Variants in ANO5 observed in about 807,000 individuals in gnomAD.
ANO5 encodes anoctamin 5.
Under a neutral mutation model 121.0 loss-of-function variants are expected in ANO5, and 109 were observed. That is an observed-to-expected ratio of 0.90 (90% CI 0.77 to 1.06). The LOEUF (loss-of-function observed/expected upper bound fraction) is 1.06. ANO5 is among the 50% of genes least tolerant of loss of function. The probability of loss-of-function intolerance (pLI) is 0.00; values close to 1 mark genes in which losing one functional copy is unlikely to be tolerated. For missense variants in ANO5, 1,064 were observed against 1,078.5 expected (o/e 0.99, Z 0.19); for synonymous variants, 406 against 359.9 (o/e 1.13, Z -1.45).
intron 3 of ANO5, among the ~76,000 whole-genome samples, chr11:22,216,493 C>A (rs984151004): frequency 6.6e-6 from 1 of 151,614 alleles, no homozygotes; most frequent in Non-Finnish European, 1.5e-5. Flanking sequence ...TTCATAGATA[C>A]TCTTTTATGA....
chr11:22,195,690 TC>T (rs1851788954), intron 1 of ANO5, among the ~76,000 whole-genome samples: 1 of 152,096 alleles, frequency 6.6e-6, no homozygotes, highest in African/African-American at 2.4e-5. Flanking sequence ...ACTTGGCCCC[TC>T]AAATTGCTGG....
intron 2 of ANO5, among the ~76,000 whole-genome samples, chr11:22,207,584 G>A (rs1852156508): frequency 6.6e-6 from 1 of 152,024 alleles, no homozygotes; most frequent in Non-Finnish European, 1.5e-5. Context: ...AGAAAAAATG[G>A]ATCAAACTGT....
At chr11:22,278,759 T>TAA (rs1854963962) in intron 21 of ANO5, among the ~76,000 whole-genome samples, 2 of 151,786 alleles carry the variant, frequency 1.3e-5, no homozygotes, top group African/African-American at 4.8e-5. Context: ...TAGTTATTTT[T>TAA]CCCAGAGAAA....
intron 2 of ANO5, among the ~76,000 whole-genome samples, chr11:22,208,944 G>A (rs906934765): frequency 2.6e-5 from 4 of 151,796 alleles, no homozygotes; most frequent in Admixed American, 2.0e-4. Flanking sequence ...CTATGGGCAG[G>A]AGGCAGGCAA....
intron 3 of ANO5, 51 bp downstream of exon 3, chr11:22,211,365 C>A: frequency 6.4e-7 from 1 of 1,552,266 alleles, no homozygotes; most frequent in Non-Finnish European, 8.9e-7. Context: ...AATGGGGCAT[C>A]TTTTTGTAGT....
intron 1 of ANO5, among the ~76,000 whole-genome samples, chr11:22,203,326 AT>A (rs1032015549): frequency 4.6e-5 from 7 of 152,130 alleles, no homozygotes; most frequent in Non-Finnish European, 1.0e-4. Flanking sequence ...ATGCATTACC[AT>A]TACGGAGCTA....
At chr11:22,255,228 T>A (rs1853954376) in intron 12 of ANO5, 143 bp from the exon 13 acceptor site, 1 of 598,514 alleles carries the variant, frequency 1.7e-6, no homozygotes, top group East Asian at 3.0e-5. Context: ...TAATAATTGA[T>A]GAAGTTTTAA....
At chr11:22,250,439 T>A (rs1853772416) in intron 10 of ANO5, 68 bp downstream of exon 10, 1 of 1,587,996 alleles carries the variant, frequency 6.3e-7, no homozygotes. Flanking sequence ...GTTGTTGTTA[T>A]TATTTCCCTG....
chr11:22,236,154 A>G lies in ANO5; in HGVS notation c.649-9A>G. 6.4e-7 allele frequency: 1 copy of G among 1,571,236 alleles called. No homozygotes were observed. Among genetic ancestry groups the G allele is most frequent in the Non-Finnish European group, 8.8e-7 (1 of 1,141,474 alleles). On this transcript the variant is annotated splice_polypyrimidine_tract_variant and intron_variant, in intron 7 of 21. Coordinates refer to ENST00000324559, the MANE Select transcript of ANO5 (RefSeq NM_213599.3). ...GATGTGATAGTGTCTCTTTGCACTTACCTTGTAGGTGTACTATATTCTCTC... is the reference window on the plus strand; with the variant it reads ...GATGTGATAGTGTCTCTTTGCACTTGCCTTGTAGGTGTACTATATTCTCTC...
chr11:22,279,726 T>G lies in ANO5; in HGVS notation c.2703T>G (p.Ile901Met), dbSNP rs774936921. The G allele has an allele frequency of 2.5e-6, 4 of 1,612,742 alleles. No homozygotes were observed. Among genetic ancestry groups the G allele is most frequent in the African/African-American group, 2.7e-5 (2 of 74,870 alleles). The change falls in exon 22 of 22, where the codon ATT becomes ATG. Residue 901 changes from isoleucine (I) to methionine (M), a missense_variant. By Grantham distance (10) the Ile-to-Met change is conservative. Coordinates refer to ENST00000324559, the MANE Select transcript of ANO5 (RefSeq NM_213599.3). ...ATGAATTTGCCAAGCATGTCATGAT[T>G]GAGGAAAACAAAGCACAGCTGGCTA... ...NSNEFAKHVM[I>M]EENKAQLAKS...
chr11:22,225,300 A>T (rs936635431), intron 5 of ANO5, among the ~76,000 whole-genome samples: 14 of 151,860 alleles, frequency 9.2e-5, no homozygotes, highest in East Asian at 3.9e-4. Context: ...CTATGAAAAA[A>T]TTTTTTAAAA....
At chr11:22,212,034 C>A in intron 3 of ANO5, among the ~76,000 whole-genome samples, 1 of 150,422 alleles carries the variant, frequency 6.6e-6, no homozygotes. Context: ...TACATGATTC[C>A]AAAGTTGAAA....
rs2133820220 is a variant in ANO5, at chr11:22,282,465, A to G, written c.*2700A>G. The G allele has an allele frequency of 6.6e-6, 1 of 152,288 alleles. No homozygotes were observed. Among genetic ancestry groups the G allele is most frequent in the South Asian group, 2.1e-4 (1 of 4,828 alleles). 9.4% of individuals were successfully genotyped at this position (152,288 alleles called of 1,614,324 possible). The stretch of plus-strand genomic sequence containing the variant: ...ACATTCTTCTTTTAACCAAGCCATT[A>G]TGCAAAGTTATCAAAGAAGAGGAGA... On this transcript the variant is annotated 3_prime_UTR_variant, in exon 22 of 22. Coordinates refer to ENST00000324559, the MANE Select transcript of ANO5 (RefSeq NM_213599.3).
intron 17 of ANO5, among the ~76,000 whole-genome samples, chr11:22,268,727 T>C (rs573643275): frequency 5.3e-5 from 8 of 152,238 alleles, no homozygotes; most frequent in Non-Finnish European, 8.8e-5. Context: ...GTAAGAATGC[T>C]GTTTGCAGCC....
rs1564956412 is a variant in ANO5, at chr11:22,279,514, CG to C, written c.2521-29del. On this transcript the variant is annotated intron_variant, in intron 21 of 21. Transcript: ENST00000324559. The stretch of plus-strand genomic sequence containing the variant: ...GCTGAGCATGTGACACCTCTAACAG[CG>C]TCTAATCTTTCCTTTATATTTCCTC... The C allele has an allele frequency of 1.9e-6, 3 of 1,560,934 alleles. No individual in the cohort carries two copies. In the Admixed American group the frequency reaches 5.0e-5, roughly 26 times the overall value.
At chr11:22,279,321 A>T (rs569446616) in intron 21 of ANO5, among the ~76,000 whole-genome samples, 7 of 151,814 alleles carry the variant, frequency 4.6e-5, no homozygotes, top group Non-Finnish European at 7.4e-5. Flanking sequence ...TTCAATAATC[A>T]TGTTCAACTG....
At chr11:22,272,487 T>A (rs1854656595) in intron 18 of ANO5, among the ~76,000 whole-genome samples, 1 of 152,124 alleles carries the variant, frequency 6.6e-6, no homozygotes, top group South Asian at 2.1e-4. Flanking sequence ...AAACCTAAGC[T>A]TAGCCCATAA....
chr11:22,214,507 C>T (rs1852378436), intron 3 of ANO5, among the ~76,000 whole-genome samples: 1 of 151,886 alleles, frequency 6.6e-6, no homozygotes, highest in South Asian at 2.1e-4. Flanking sequence ...AAGGGAATCT[C>T]AGCATATATA....
chr11:22,255,661 TA>T, intron 13 of ANO5, 139 bp downstream of exon 13: 7 of 933,770 alleles, frequency 7.5e-6, no homozygotes, highest in Non-Finnish European at 1.1e-5. Flanking sequence ...TACTTGTTTC[TA>T]ATATACATAC....
Sources: gnomAD v4.1 joint callset for allele counts (sites outside exome capture counted in the v4.1 genomes callset) on GRCh38, gnomAD v4.1.1 for gene constraint, MANE v1.5 for transcripts, NCBI Gene and HGNC (gene_info 2026-07-23, HGNC 2026-07-21) for gene names.